PCBP3: variants seen among roughly 807,000 people sequenced by gnomAD.
The protein encoded by PCBP3 is poly(rC) binding protein 3, also known as poly(rC)-binding protein 3.
PCBP3 carries 25 observed loss-of-function variants against 52.7 expected under a neutral mutation model. That is an observed-to-expected ratio of 0.47 (90% CI 0.35 to 0.66). The LOEUF (loss-of-function observed/expected upper bound fraction) is 0.66, where lower values mean the gene tolerates loss of function less well. Among genes scored for constraint, PCBP3 ranks in the 30% least tolerant of loss-of-function variants. The pLI is 0.01. For synonymous variants in PCBP3, 162 were observed against 183.0 expected (o/e 0.89, Z 0.93); for missense variants, 391 against 490.3 (o/e 0.80, Z 1.91).
chr21:45,680,437 G>A (rs1330597715), intron 2 of PCBP3, among the ~76,000 whole-genome samples: 1 of 152,040 alleles, frequency 6.6e-6, no homozygotes, highest in African/African-American at 2.4e-5. Flanking sequence ...ACACGTTTTG[G>A]TGGATTTACA....
chr21:45,863,373 T>TG (rs1395115218), intron 5 of PCBP3, among the ~76,000 whole-genome samples: 1 of 152,200 alleles, frequency 6.6e-6, no homozygotes, highest in African/African-American at 2.4e-5. Context: ...GGATTAATGC[T>TG]GGGTCCTGGG....
chr21:45,804,346 G>T (rs1039717074), intron 4 of PCBP3, among the ~76,000 whole-genome samples: 1 of 152,126 alleles, frequency 6.6e-6, no homozygotes, highest in African/African-American at 2.4e-5. Context: ...TTGCCTCCTA[G>T]TGCCCACACC....
At chr21:45,808,331 CTT>C (rs931015701) in intron 4 of PCBP3, among the ~76,000 whole-genome samples, 4 of 152,110 alleles carry the variant, frequency 2.6e-5, no homozygotes, top group Non-Finnish European at 4.4e-5. Flanking sequence ...CTACAAGGAA[CTT>C]AAACAAGTTT....
intron 2 of PCBP3, among the ~76,000 whole-genome samples, chr21:45,679,373 A>G (rs576855937): frequency 6.6e-6 from 1 of 152,230 alleles, no homozygotes; most frequent in East Asian, 1.9e-4. Flanking sequence ...CACTCACCTC[A>G]GCTTCCCAAA....
chr21:45,841,268 CCTGT>C (rs137893932), intron 4 of PCBP3, among the ~76,000 whole-genome samples: 30,267 of 151,980 alleles, frequency 0.2, 3,859 homozygotes, highest in Non-Finnish European at 0.28. Flanking sequence ...ATCTCTTTTG[CCTGT>C]CTTTTTGTCT....
Position 45,713,634 on chromosome 21 carries a change from A to G in PCBP3, c.-199-21758A>G, listed in dbSNP as rs9979831. ...GTGGGCTCCCTGAAGATGTGCCTGC[A>G]CCTGCTGACGCCATGCTCCGCTACT... is the stretch of plus-strand genomic sequence containing the variant. On this transcript the variant is annotated intron_variant, in intron 2 of 17. Transcript: ENST00000681687. 6.1e-3 allele frequency among the ~76,000 whole-genome samples: 933 copies of G among 152,256 alleles called. 10 individuals are homozygous for G. Among genetic ancestry groups the G allele is most frequent in the African/African-American group, 0.021 (886 of 41,536 alleles).
At chr21:45,692,511 G>A (rs1443230064) in intron 2 of PCBP3, among the ~76,000 whole-genome samples, 2 of 152,160 alleles carry the variant, frequency 1.3e-5, no homozygotes, top group Non-Finnish European at 2.9e-5. Context: ...ACTTTAGCCA[G>A]CGTATTAAAC....
chr21:45,696,562 G>A (rs1378715350), intron 2 of PCBP3, among the ~76,000 whole-genome samples: 3 of 152,180 alleles, frequency 2.0e-5, no homozygotes, highest in Admixed American at 1.3e-4. Context: ...GGAGGCAGAG[G>A]TGGGTGGATC....
At chr21:45,728,516 A>G (rs1207940138) in intron 2 of PCBP3, among the ~76,000 whole-genome samples, 1 of 152,070 alleles carries the variant, frequency 6.6e-6, no homozygotes, top group African/African-American at 2.4e-5. Flanking sequence ...TATATTTCTG[A>G]GGAATATTGA....
chr21:45,859,491 A>G (rs1473552993), intron 5 of PCBP3, among the ~76,000 whole-genome samples: 1 of 152,224 alleles, frequency 6.6e-6, no homozygotes, highest in African/African-American at 2.4e-5. Context: ...GTTGCCCAGG[A>G]AACTCCAAGG....
intron 4 of PCBP3, among the ~76,000 whole-genome samples, chr21:45,778,573 C>T (rs553761643): frequency 6.6e-6 from 1 of 152,242 alleles, no homozygotes; most frequent in African/African-American, 2.4e-5. Flanking sequence ...CAGGGAGGGC[C>T]AGTCGTCAGA....
chr21:45,811,626 C>T (rs988611280), intron 4 of PCBP3, among the ~76,000 whole-genome samples: 6 of 152,314 alleles, frequency 3.9e-5, no homozygotes, highest in African/African-American at 1.2e-4. Flanking sequence ...CCCTTTCTAC[C>T]TGCTAATATT....
chr21:45,919,836 T>TGC (rs201942074), intron 13 of PCBP3, among the ~76,000 whole-genome samples: 5 of 53,658 alleles, frequency 9.3e-5, no homozygotes, highest in Non-Finnish European at 1.5e-4. Flanking sequence ...TGTGTGTGTG[T>TGC]GCGCGCGCGC....
intron 4 of PCBP3, among the ~76,000 whole-genome samples, chr21:45,782,207 G>A (rs760502930): frequency 2.6e-5 from 4 of 152,196 alleles, no homozygotes; most frequent in South Asian, 2.1e-4. Context: ...AGATAAAAAC[G>A]TGAGAAATAG....
intron 3 of PCBP3, among the ~76,000 whole-genome samples, chr21:45,749,132 C>G (rs926098457): frequency 1.3e-5 from 2 of 152,024 alleles, no homozygotes; most frequent in African/African-American, 4.8e-5. Context: ...TTGATTAACC[C>G]TTTTTATCAG....
chr21:45,849,891 T>C (rs1243833417), intron 4 of PCBP3, 70 bp from the exon 5 acceptor site: 1 of 611,586 alleles, frequency 1.6e-6, no homozygotes, highest in Non-Finnish European at 3.0e-6. Flanking sequence ...GGCAGTTCCG[T>C]TGAAGCCCAG....
At chr21:45,730,340 A>C (rs147613080) in intron 2 of PCBP3, among the ~76,000 whole-genome samples, 28 of 151,828 alleles carry the variant, frequency 1.8e-4, no homozygotes, top group African/African-American at 6.5e-4. Context: ...CTTCCCAAAT[A>C]CTTTTTTGTT....
rs958700852 is a variant in PCBP3 at position 45,741,859 on chromosome 21, T to C, written c.-162+6430T>C. 6.6e-6 allele frequency among the ~76,000 whole-genome samples: 1 copy of C among 152,142 alleles called. No individual in the cohort carries two copies. Among genetic ancestry groups the C allele is most frequent in the African/African-American group, 2.4e-5 (1 of 41,432 alleles). ...TCTGAGGCAGATCTTTCTCCTCAGGTTGCTTGAGCTCTGCAGCGTTAGGCC... is the reference window on the plus strand; with the variant it reads ...TCTGAGGCAGATCTTTCTCCTCAGGCTGCTTGAGCTCTGCAGCGTTAGGCC... On this transcript the variant is annotated intron_variant, in intron 3 of 17. Transcript: ENST00000681687. The surrounding 1 kb of genome is among the most constrained non-coding windows in gnomAD (Gnocchi z 4.5).
chr21:45,688,073 A>G (rs572236002), intron 2 of PCBP3, among the ~76,000 whole-genome samples: 1 of 152,346 alleles, frequency 6.6e-6, no homozygotes, highest in Admixed American at 6.5e-5. Flanking sequence ...ATCAAAAAAT[A>G]TAACAATCCT....
Sources: allele counts gnomAD v4.1 joint callset (sites outside exome capture counted in the v4.1 genomes callset), GRCh38; gene constraint gnomAD v4.1.1; non-coding constraint Gnocchi (gnomAD v3.1); transcripts MANE v1.5; gene names NCBI Gene and HGNC (gene_info 2026-07-23, HGNC 2026-07-21).